CDYL: variants seen among roughly 807,000 people sequenced by gnomAD.
CDYL encodes the protein chromodomain Y-like protein.
A neutral mutation model predicts 47.3 loss-of-function variants in CDYL; 8 were observed. The ratio of observed to expected loss-of-function variants is 0.17; its 90% CI spans 0.10 to 0.31. CDYL has a LOEUF of 0.31. Among genes scored for constraint, CDYL ranks in the 10% least tolerant of loss-of-function variants. The pLI, the probability that CDYL is intolerant of heterozygous loss-of-function variation, is 1.00. For synonymous variants in CDYL, 266 were observed against 265.0 expected (o/e 1.00, Z -0.04); for missense variants, 471 against 701.4 (o/e 0.67, Z 3.71).
chr6:4,948,870 A>G (rs1324205335), intron 5 of CDYL, among the ~76,000 whole-genome samples: 1 of 152,166 alleles, frequency 6.6e-6, no homozygotes, highest in Non-Finnish European at 1.5e-5. Context: ...GACTTCGACA[A>G]CTCTTGTTGA....
intron 1 of CDYL, among the ~76,000 whole-genome samples, chr6:4,842,832 T>G (rs539433179): frequency 3.2e-4 from 48 of 151,602 alleles, no homozygotes; most frequent in Admixed American, 1.8e-3. Flanking sequence ...CCCTTGTGGG[T>G]TTTTTTTTCC....
At position 4,894,896 on chromosome 6, in the gene CDYL, T is replaced by C. The variant is rs180882316; in HGVS notation, c.691+2517T>C. ...ACACATGTGTATGTGTGTGTATATA[T>C]ACACACGTACGTGTGTATATATACA... is the stretch of plus-strand genomic sequence containing the variant. On this transcript the variant is annotated intron_variant, in intron 2 of 6. Transcript: ENST00000397588. Among the ~76,000 whole-genome samples, 1,171 of 150,342 alleles carry C rather than the reference T, an allele frequency of 7.8e-3. 16 individuals are homozygous for C. Among genetic ancestry groups the C allele is most frequent in the African/African-American group, 0.027 (1,101 of 40,954 alleles).
intron 2 of CDYL, among the ~76,000 whole-genome samples, chr6:4,732,215 G>A (rs1311931868): frequency 6.6e-6 from 1 of 152,018 alleles, no homozygotes; most frequent in East Asian, 1.9e-4. Flanking sequence ...CATGCTTGTA[G>A]TTCCAGCTAC....
intron 3 of CDYL, among the ~76,000 whole-genome samples, chr6:4,736,100 T>C (rs1757700342): frequency 6.6e-6 from 1 of 152,212 alleles, no homozygotes; most frequent in African/African-American, 2.4e-5. Context: ...ATCATTCTGC[T>C]CTTTGCTTCT....
intron 3 of CDYL, among the ~76,000 whole-genome samples, chr6:4,759,103 G>A (rs968186801): frequency 3.3e-5 from 5 of 151,706 alleles, no homozygotes; most frequent in South Asian, 2.1e-4. Context: ...CGAGTAGCTG[G>A]GACTGCAGGT....
At chr6:4,851,654 G>A (rs1021923819) in intron 1 of CDYL, among the ~76,000 whole-genome samples, 1 of 152,248 alleles carries the variant, frequency 6.6e-6, no homozygotes, top group Non-Finnish European at 1.5e-5. Context: ...ATTCTTCACT[G>A]CATTCGCAGA....
chr6:4,713,574 TCTATCA>T (rs1459224796), intron 1 of CDYL, among the ~76,000 whole-genome samples: 2 of 141,864 alleles, frequency 1.4e-5, no homozygotes, highest in Admixed American at 1.5e-4. Flanking sequence ...TCTTAAAACT[TCTATCA>T]TTTAGATTCT....
intron 2 of CDYL, among the ~76,000 whole-genome samples, chr6:4,930,278 G>T (rs1205014271): frequency 6.6e-6 from 1 of 152,204 alleles, no homozygotes; most frequent in African/African-American, 2.4e-5. Context: ...GCTCAGATTG[G>T]TTCAGCAAAG....
intron 4 of CDYL, among the ~76,000 whole-genome samples, chr6:4,942,356 C>G (rs1164301867): frequency 2.0e-5 from 3 of 152,130 alleles, no homozygotes; most frequent in African/African-American, 7.2e-5. Flanking sequence ...CCGTCAGTGT[C>G]TCGGGGAGTT....
chr6:4,750,646 CAAATT>C (rs1295833310), intron 3 of CDYL, among the ~76,000 whole-genome samples: 1 of 151,946 alleles, frequency 6.6e-6, no homozygotes, highest in Non-Finnish European at 1.5e-5. Flanking sequence ...CGACAACAAT[CAAATT>C]AATATATGTG....
At chr6:4,857,147 G>A (rs1022224956) in intron 1 of CDYL, among the ~76,000 whole-genome samples, 1 of 152,088 alleles carries the variant, frequency 6.6e-6, no homozygotes, top group Non-Finnish European at 1.5e-5. Flanking sequence ...TTTTTAATTG[G>A]TGAAATATAC....
chr6:4,907,334 C>T (rs909834170), intron 2 of CDYL, among the ~76,000 whole-genome samples: 3 of 152,190 alleles, frequency 2.0e-5, no homozygotes, highest in African/African-American at 4.8e-5. Flanking sequence ...TGCTCTAATA[C>T]AGCTTTTTTG....
intron 2 of CDYL, among the ~76,000 whole-genome samples, chr6:4,726,409 G>A (rs1429477271): frequency 1.3e-5 from 2 of 151,870 alleles, no homozygotes; most frequent in Admixed American, 1.3e-4. Context: ...GTACGCACCT[G>A]TAATCCCAGC....
intron 5 of CDYL, among the ~76,000 whole-genome samples, chr6:4,947,491 G>A (rs1216692291): frequency 3.3e-5 from 5 of 152,102 alleles, no homozygotes; most frequent in South Asian, 2.1e-4. Flanking sequence ...TCTTGCTCCC[G>A]GCTGCCCCTC....
intron 1 of CDYL, among the ~76,000 whole-genome samples, chr6:4,882,255 A>G (rs1209151712): frequency 2.0e-5 from 3 of 152,144 alleles, no homozygotes; most frequent in Non-Finnish European, 4.4e-5. Flanking sequence ...AAAGAGGAGG[A>G]TGGGAGTCTC....
intron 5 of CDYL, among the ~76,000 whole-genome samples, chr6:4,951,258 C>G (rs746829319): frequency 1.3e-5 from 2 of 152,150 alleles, no homozygotes; most frequent in African/African-American, 2.4e-5. Context: ...TTTGTGACAT[C>G]AGAGTTGTTA....
At chr6:4,772,978 C>G, upstream of CDYL, 1 of 373,318 alleles carries the variant, frequency 2.7e-6, no homozygotes, top group Non-Finnish European at 5.3e-6. Context: ...GGAAGACATG[C>G]CTGGTTTGGC....
intron 2 of CDYL, among the ~76,000 whole-genome samples, chr6:4,917,453 T>C (rs990727509): frequency 1.3e-5 from 2 of 152,172 alleles, no homozygotes; most frequent in Non-Finnish European, 2.9e-5. Flanking sequence ...CTTTGTAGTT[T>C]TAAGGGAGGT....
At chr6:4,953,290 G>A (rs1184747318) in intron 6 of CDYL, among the ~76,000 whole-genome samples, 2 of 151,690 alleles carry the variant, frequency 1.3e-5, no homozygotes, top group Non-Finnish European at 2.9e-5. Context: ...AGGCTGAGGT[G>A]AGAGAATCGC....
Sources: allele counts gnomAD v4.1 joint callset (sites outside exome capture counted in the v4.1 genomes callset), GRCh38; gene constraint gnomAD v4.1.1; transcripts MANE v1.5; gene names NCBI Gene and HGNC (gene_info 2026-07-23, HGNC 2026-07-21).